Variants in DRC2 observed in about 807,000 individuals in gnomAD.
DRC2 encodes the protein dynein regulatory complex subunit 2.
At chr12:48,916,131 G>A in the DRC2 span, among the ~76,000 whole-genome samples, 1 of 149,286 alleles carries the variant, frequency 6.7e-6, no homozygotes, top group African/African-American at 2.4e-5. Flanking sequence ...CAGCCAGGCA[G>A]AGGGGCTCCT....
the DRC2 span, among the ~76,000 whole-genome samples, chr12:48,912,257 T>TC: frequency 6.6e-6 from 1 of 150,568 alleles, no homozygotes; most frequent in African/African-American, 2.4e-5. Context: ...TGAGACTCCA[T>TC]CTCTCTACTA....
At chr12:48,910,850 G>T in the DRC2 span, among the ~76,000 whole-genome samples, 1 of 152,056 alleles carries the variant, frequency 6.6e-6, no homozygotes, top group Non-Finnish European at 1.5e-5. Flanking sequence ...TTCGAGATCG[G>T]CCTGGGCAAC....
the DRC2 span, chr12:48,905,142 G>A: frequency 1.9e-6 from 3 of 1,562,452 alleles, no homozygotes; most frequent in Non-Finnish European, 2.6e-6. Context: ...GAAACCTTGA[G>A]TATGGCTTCC....
chr12:48,917,232 C>T, the DRC2 span: 8 of 1,087,772 alleles, frequency 7.4e-6, no homozygotes, highest in African/African-American at 1.1e-4. Flanking sequence ...AGGAGGATCA[C>T]TTGAGACTGG....
chr12:48,910,335 T>C, the DRC2 span, among the ~76,000 whole-genome samples: 2 of 152,224 alleles, frequency 1.3e-5, no homozygotes, highest in Admixed American at 6.5e-5. Flanking sequence ...TCCAGCACAG[T>C]GCTGGTACAT....
At chr12:48,904,222 C>T in the DRC2 span, 1 of 1,434,246 alleles carries the variant, frequency 7.0e-7, no homozygotes, top group Non-Finnish European at 9.4e-7. Flanking sequence ...CCACAACCGC[C>T]CACAACCAGG....
At chr12:48,907,911 T>C in the DRC2 span, among the ~76,000 whole-genome samples, 1 of 152,166 alleles carries the variant, frequency 6.6e-6, no homozygotes, top group South Asian at 2.1e-4. Flanking sequence ...CTTTAACCAG[T>C]TTTCTAGGGC....
chr12:48,907,924 A>G, the DRC2 span, among the ~76,000 whole-genome samples: 1 of 152,176 alleles, frequency 6.6e-6, no homozygotes, highest in Non-Finnish European at 1.5e-5. Context: ...TCTAGGGCCA[A>G]TCTTACACAT....
At chr12:48,909,766 C>T in the DRC2 span, among the ~76,000 whole-genome samples, 7 of 150,050 alleles carry the variant, frequency 4.7e-5, no homozygotes, top group Non-Finnish European at 8.9e-5. Context: ...CGTGAGCCAC[C>T]GCGCCCAGCC....
chr12:48,908,464 T>C, the DRC2 span, among the ~76,000 whole-genome samples: 1 of 152,022 alleles, frequency 6.6e-6, no homozygotes, highest in East Asian at 1.9e-4. Flanking sequence ...ACTGTCCTCC[T>C]GTAGTTGAGA....
At chr12:48,918,729 TGA>T in the DRC2 span, 1 of 1,613,918 alleles carries the variant, frequency 6.2e-7, no homozygotes, top group Non-Finnish European at 8.5e-7. Context: ...TACACAGCCG[TGA>T]GAGTGAAGAT....
the DRC2 span, among the ~76,000 whole-genome samples, chr12:48,909,112 C>T: frequency 8.1e-5 from 11 of 135,302 alleles, no homozygotes; most frequent in Non-Finnish European, 1.7e-4. Flanking sequence ...GGCGCAATCT[C>T]GGCTCACCGC....
At chr12:48,918,112 A>G in the DRC2 span, 2 of 643,644 alleles carry the variant, frequency 3.1e-6, no homozygotes, top group South Asian at 2.0e-5. Context: ...CGGCCCACAA[A>G]ACATATTTAT....
chr12:48,905,834 C>A, the DRC2 span, among the ~76,000 whole-genome samples: 1 of 152,278 alleles, frequency 6.6e-6, no homozygotes, highest in Admixed American at 6.5e-5. Context: ...TGCAGTGGCA[C>A]AATCTCGGCT....
the DRC2 span, chr12:48,921,286 G>T: frequency 6.8e-6 from 11 of 1,614,080 alleles, no homozygotes; most frequent in African/African-American, 1.3e-4. Flanking sequence ...GGGAAGCTGC[G>T]GGAGATGCTG....
the DRC2 span, among the ~76,000 whole-genome samples, chr12:48,912,531 C>G: frequency 1.3e-5 from 2 of 150,632 alleles, no homozygotes; most frequent in East Asian, 3.9e-4. Context: ...AACAAGCATT[C>G]TAAGGGGCGG....
chr12:48,918,262 G>A, the DRC2 span: 4 of 1,613,128 alleles, frequency 2.5e-6, no homozygotes, highest in Admixed American at 5.0e-5. Flanking sequence ...GCTATTTTGG[G>A]GTCACTTGCT....
At chr12:48,907,624 T>C in the DRC2 span, among the ~76,000 whole-genome samples, 1 of 152,228 alleles carries the variant, frequency 6.6e-6, no homozygotes, top group African/African-American at 2.4e-5. Flanking sequence ...CAGCATCTGA[T>C]TTCTACCCTT....
chr12:48,908,443 T>C, the DRC2 span, among the ~76,000 whole-genome samples: 1 of 152,088 alleles, frequency 6.6e-6, no homozygotes, highest in East Asian at 1.9e-4. Flanking sequence ...TATACCCTGC[T>C]GTCCTTTTCC....
Sources: allele counts gnomAD v4.1 joint callset (sites outside exome capture counted in the v4.1 genomes callset), GRCh38; gene constraint gnomAD v4.1.1; transcripts MANE v1.5; gene names NCBI Gene and HGNC (gene_info 2026-07-23, HGNC 2026-07-21).